The following CPA1 variants were observed in gnomAD, a reference collection of about 807,000 sequenced individuals.
CPA1 encodes carboxypeptidase A1.
CPA1 carries 42 observed loss-of-function variants against 48.7 expected under a neutral mutation model. That is an observed-to-expected ratio of 0.86 (90% CI 0.67 to 1.11). The LOEUF (loss-of-function observed/expected upper bound fraction) is 1.11. CPA1 is among the 50% of genes most tolerant of loss of function. The pLI, the probability that CPA1 is intolerant of heterozygous loss-of-function variation, is 0.00. For synonymous variants in CPA1, 203 were observed against 217.9 expected, an observed-to-expected ratio of 0.93 and a Z score of 0.60; for missense variants, 477 against 544.7, an observed-to-expected ratio of 0.88 and a Z score of 1.24.
chr7:130,380,850 C>T, intron 1 of CPA1: 1 of 580,420 alleles, frequency 1.7e-6, no homozygotes, highest in Non-Finnish European at 3.1e-6. Flanking sequence ...TGGCTTGGAA[C>T]AGAGAAATAG....
rs10263705 is a variant in CPA1 at position 130,387,792 on chromosome 7, A to G, written c.1073-32A>G. On this transcript the variant is annotated intron_variant, in intron 9 of 9. Coordinates refer to ENST00000011292, the MANE Select transcript of CPA1 (RefSeq NM_001868.4). This position sits in a 1 kb window ranked among gnomAD's most constrained non-coding sequence, Gnocchi z 4.6. ...CGTGTAAATATTCCCAAAGTGATTG[A>G]CCCTTTCTCTCCTATTTTACTCCTG... 579,303 of 1,594,518 alleles carry G rather than the reference A, an allele frequency of 0.36. 107,698 individuals are homozygous for G. The highest frequency in any genetic ancestry group is 0.5 in the African/African-American group (36,932 of 74,228).
In CPA1 at chr7:130,388,101, G is replaced by A; in HGVS notation, c.*90G>A. 2 of 1,316,898 alleles carry A rather than the reference G, an allele frequency of 1.5e-6. No individual in the cohort carries two copies. The highest frequency in any genetic ancestry group is 2.2e-6 in the Non-Finnish European group (2 of 922,396). 81.6% of individuals were successfully genotyped at this position (1,316,898 alleles called of 1,614,324 possible). A position where few individuals can be genotyped will look rare whatever the true frequency, so the allele number is the denominator to read the frequency against. On this transcript the variant is annotated 3_prime_UTR_variant, in exon 10 of 10. Transcript: ENST00000011292. ...GAGTGTACCAGGAACAGAATCCTGG[G>A]GCTTGCATGTGGAGTGTCTGCCTCT...
In CPA1 at chr7:130,383,798, C is replaced by G. The variant is rs374313337; in HGVS notation, c.696+4C>G. The G allele has an allele frequency of 6.3e-7, 1 of 1,597,152 alleles. No individual in the cohort carries two copies. The highest frequency in any genetic ancestry group is 2.2e-5 in the East Asian group (1 of 44,712). ...CTTTGCCTTCACGCACAGCACGGTA[C>G]CGGCCTTCTCCTGTCCTTGGGGGAA... On this transcript the variant is annotated splice_donor_region_variant and intron_variant, in intron 6 of 9. Transcript: ENST00000011292.
At chr7:130,383,556 AGCCCGG>A (rs1231575179) in intron 5 of CPA1, 64 bp downstream of exon 5, 23 of 1,469,508 alleles carry the variant, frequency 1.6e-5, no homozygotes, top group Non-Finnish European at 1.9e-5. Context: ...GGCCCACAGA[AGCCCGG>A]GCCTCCCTTT....
rs1270626651 is a variant in CPA1 at position 130,385,361 on chromosome 7, G to A, written c.987+16G>A. ...GGATGAGCTGGTAGGCACTGACCTC[G>A]GCTTGCCCCCTCGTCCCCAAGGTGG... On this transcript the variant is annotated intron_variant, in intron 8 of 9. Coordinates refer to ENST00000011292, the MANE Select transcript of CPA1 (RefSeq NM_001868.4). 1.1e-5 allele frequency: 18 copies of A among 1,613,388 alleles called. No homozygotes were observed. Among genetic ancestry groups the A allele is most frequent in the Admixed American group, 5.0e-5 (3 of 59,992 alleles).
chr7:130,383,144 G>A (rs1216302230), intron 4 of CPA1, among the ~76,000 whole-genome samples: 1 of 152,196 alleles, frequency 6.6e-6, no homozygotes, highest in African/African-American at 2.4e-5. Flanking sequence ...ACAGGGGAAG[G>A]GCCAGGGGCC....
Position 130,381,788 on chromosome 7 carries a change from GC to G in CPA1, c.307del (p.Gln103ArgfsTer58). The G allele has an allele frequency of 6.2e-7, 1 of 1,614,154 alleles. No homozygotes were observed. Among genetic ancestry groups the G allele is most frequent in the Non-Finnish European group, 8.5e-7 (1 of 1,180,018 alleles). ...AGTCGCTGCTGGACGAGGAGCAGGA[GC>G]AGATGTTCGCCTTCCGGTCCCGGGC... ...VQSLLDEEQE[Q>X]MFAFRSRARS... On this transcript the variant is annotated frameshift_variant, in exon 3 of 10. Transcript: ENST00000011292. LOFTEE classifies it high-confidence loss of function.
intron 7 of CPA1, chr7:130,384,887 G>A (rs140135840): frequency 9.4e-5 from 57 of 605,206 alleles, no homozygotes; most frequent in Middle Eastern, 8.7e-4. Flanking sequence ...AAGTCCTCCC[G>A]CCTTGGCCAC....
At position 130,387,812 on chromosome 7, in the gene CPA1, C is replaced by T; in HGVS notation, c.1073-12C>T. 5.6e-6 allele frequency: 9 copies of T among 1,612,220 alleles called. No individual in the cohort carries two copies. The highest frequency in any genetic ancestry group is 7.6e-6 in the Non-Finnish European group (9 of 1,178,922). On this transcript the variant is annotated splice_polypyrimidine_tract_variant and intron_variant, in intron 9 of 9. Transcript: ENST00000011292. The surrounding 1 kb of genome is among the most constrained non-coding windows in gnomAD (Gnocchi z 4.6). The stretch of plus-strand genomic sequence containing the variant: ...GATTGACCCTTTCTCTCCTATTTTA[C>T]TCCTGCCCCAGATCAAGCCAGTGGA...
intron 5 of CPA1, 52 bp from the exon 6 acceptor site, chr7:130,383,632 G>A (rs1554411533): frequency 2.0e-6 from 3 of 1,466,228 alleles, no homozygotes; most frequent in Non-Finnish European, 2.8e-6. Context: ...GCTGTGGCTT[G>A]GCAGATGCCT....
chr7:130,383,922 C>A, intron 6 of CPA1, 128 bp downstream of exon 6: 2 of 738,158 alleles, frequency 2.7e-6, no homozygotes, highest in Non-Finnish European at 4.9e-6. Context: ...TGCTCCTAGC[C>A]GAGGGTGTCT....
intron 1 of CPA1, 138 bp downstream of exon 1, chr7:130,380,723 C>A (rs1298129088): frequency 1.9e-5 from 10 of 516,990 alleles, no homozygotes; most frequent in Non-Finnish European, 2.0e-5. Flanking sequence ...GGACAGCTGG[C>A]AGATAAGCAA....
At chr7:130,382,630 AT>A (rs34457825) in intron 4 of CPA1, among the ~76,000 whole-genome samples, 7,093 of 74,296 alleles carry the variant, frequency 0.095, 154 homozygotes, top group East Asian at 0.14. Flanking sequence ...TGCCCGGGTA[AT>A]TTTTTTTTTT....
rs373015600 is a variant in CPA1, at chr7:130,383,412, C to T, written c.505C>T (p.Arg169Cys). ...CCAGTTCAGCACGGGGGGCAGTAAG[C>T]GTCCAGCCATCTGGATCGACACGGG... ...VLKFSTGGSK[R>C]PAIWIDTGIH... The change falls in exon 5 of 10, where the codon CGT becomes TGT. Residue 169 changes from arginine (R) to cysteine (C), a missense_variant. Arg to Cys is a radical substitution (Grantham distance 180). Transcript: ENST00000011292. 7 of 1,614,038 alleles carry T rather than the reference C, an allele frequency of 4.3e-6. No individual in the cohort carries two copies. Among genetic ancestry groups the T allele is most frequent in the East Asian group, 2.2e-5 (1 of 44,892 alleles).
At chr7:130,384,203 A>G in intron 6 of CPA1, 2 of 453,096 alleles carry the variant, frequency 4.4e-6, no homozygotes, top group East Asian at 8.3e-5. Context: ...GACCAATGAC[A>G]TGGGGCCACA....
At chr7:130,385,977 C>T in intron 9 of CPA1, 54 bp downstream of exon 9, 4 of 1,483,656 alleles carry the variant, frequency 2.7e-6, no homozygotes, top group African/African-American at 1.4e-5. Context: ...TCTGCTGGCT[C>T]TTCCTGACCG....
intron 6 of CPA1, chr7:130,384,167 CTA>C: frequency 2.3e-6 from 1 of 431,572 alleles, no homozygotes; most frequent in Non-Finnish European, 4.2e-6. Context: ...GGTCCTACTT[CTA>C]TTTTTACGGC....
Position 130,384,595 on chromosome 7 carries a change from C to A in CPA1, c.756C>A (p.Asp252Glu), listed in dbSNP as rs1249959349. ...HTAGSLCIGVDPNRNWDAGFG... is the reference protein window; with the variant it reads ...HTAGSLCIGVEPNRNWDAGFG... ...CAGGCTCCCTCTGTATTGGCGTGGA[C>A]CCCAACAGGAACTGGGACGCTGGCT... Residue 252 changes from aspartate (D) to glutamate (E), a missense_variant, in exon 7 of 10, where the codon GAC (aspartate) becomes GAA (glutamate). Physicochemically the swap from Asp to Glu is conservative, Grantham distance 45 (BLOSUM62 2). Transcript: ENST00000011292. The A allele has an allele frequency of 1.2e-6, 2 of 1,614,064 alleles. No homozygotes were observed. Among genetic ancestry groups the A allele is most frequent in the Non-Finnish European group, 1.7e-6 (2 of 1,180,032 alleles).
intron 3 of CPA1, 69 bp downstream of exon 3, chr7:130,381,932 G>GGGCCAAGGCCAGGGCCCTACCT (rs1374395993): frequency 3.1e-5 from 46 of 1,465,818 alleles, no homozygotes; most frequent in Middle Eastern, 1.7e-4. Context: ...GAACGCGGTA[G>GGGCCAAGGCCAGGGCCCTACCT]GGCCAAGGCC....
Sources: allele counts gnomAD v4.1 joint callset (sites outside exome capture counted in the v4.1 genomes callset), GRCh38; gene constraint gnomAD v4.1.1; non-coding constraint Gnocchi (gnomAD v3.1); transcripts MANE v1.5; gene names NCBI Gene and HGNC (gene_info 2026-07-23, HGNC 2026-07-21).